Variants in YPEL1 observed in about 807,000 individuals in gnomAD.
The protein encoded by YPEL1 is yippee like 1, also known as protein yippee-like 1.
In YPEL1, 7 loss-of-function variants were observed where a neutral mutation model predicts 17.3. The observed-to-expected ratio is 0.40, with a 90% CI of 0.23 to 0.76. The LOEUF (loss-of-function observed/expected upper bound fraction) is 0.76, where lower values mean the gene tolerates loss of function less well. YPEL1 is among the 30% of genes least tolerant of loss of function. The pLI is 0.35. For synonymous variants in YPEL1, 59 were observed against 59.6 expected (o/e 0.99, Z 0.05); for missense variants, 91 against 155.5 (o/e 0.59, Z 2.21).
Position 21,699,652 on chromosome 22 carries a change from T to A in YPEL1, c.*1477A>T, listed in dbSNP as rs767821537. 1.3e-5 allele frequency: 2 copies of A among 152,782 alleles called. No homozygotes were observed. Among genetic ancestry groups the A allele is most frequent in the Non-Finnish European group, 2.9e-5 (2 of 68,050 alleles). The allele number at this position is 152,782 out of a possible 1,614,324, so 9.5% of individuals were successfully genotyped here. A position where few individuals can be genotyped will look rare whatever the true frequency, so the allele number is the denominator to read the frequency against. On this transcript the variant is annotated 3_prime_UTR_variant, in exon 5 of 5. Coordinates refer to ENST00000339468, the MANE Select transcript of YPEL1 (RefSeq NM_013313.5). ...GGCTAAACTTGTTGCTTTAACCTTT[T>A]CTGAACAAATTTTAAACATTCTGGC...
intron 1 of YPEL1, among the ~76,000 whole-genome samples, chr22:21,714,307 G>A (rs2068200591): frequency 6.6e-6 from 1 of 152,192 alleles, no homozygotes; most frequent in African/African-American, 2.4e-5. Context: ...GCCCTTCCTT[G>A]GTGCCCCGGC....
intron 1 of YPEL1, among the ~76,000 whole-genome samples, chr22:21,722,147 G>A (rs1035256374): frequency 9.2e-5 from 14 of 152,098 alleles, no homozygotes; most frequent in African/African-American, 2.9e-4. Context: ...TGGCCAGCGC[G>A]GTGGCTCATG....
intron 2 of YPEL1, 177 bp from the exon 3 acceptor site, chr22:21,704,059 A>G: frequency 1.3e-6 from 1 of 749,246 alleles, no homozygotes; most frequent in Non-Finnish European, 2.4e-6. Flanking sequence ...CACTTAACGG[A>G]GCTGCAAGCT....
Position 21,701,098 on chromosome 22 carries a change from A to G in YPEL1, c.*31T>C. The G allele has an allele frequency of 6.3e-7, 1 of 1,580,678 alleles. No homozygotes were observed. The highest frequency in any genetic ancestry group is 8.7e-7 in the Non-Finnish European group (1 of 1,150,340). On this transcript the variant is annotated 3_prime_UTR_variant, in exon 5 of 5. Transcript: ENST00000339468. ...ACATTCACAGTTTCTTTCACAAAAC[A>G]GCATTCAAAGGAGAAGGGAAAGTTC...
intron 1 of YPEL1, among the ~76,000 whole-genome samples, chr22:21,734,788 C>T (rs1354018906): frequency 1.3e-5 from 2 of 152,114 alleles, no homozygotes; most frequent in African/African-American, 4.8e-5. Flanking sequence ...GGAAAGTCTC[C>T]CCAGTGGTGG....
chr22:21,729,167 C>T (rs892819971), intron 1 of YPEL1, among the ~76,000 whole-genome samples: 3 of 151,758 alleles, frequency 2.0e-5, no homozygotes, highest in Non-Finnish European at 2.9e-5. Context: ...AAAAATTAGC[C>T]GGGCATGGTG....
intron 4 of YPEL1, among the ~76,000 whole-genome samples, chr22:21,702,782 C>T (rs1178227437): frequency 3.3e-5 from 5 of 151,932 alleles, no homozygotes; most frequent in East Asian, 1.9e-4. Context: ...TTCAGGGCAG[C>T]GTAGAGGAGG....
At chr22:21,720,813 G>GTTTTT (rs60040471) in intron 1 of YPEL1, among the ~76,000 whole-genome samples, 3 of 120,446 alleles carry the variant, frequency 2.5e-5, no homozygotes, top group Non-Finnish European at 3.4e-5. Context: ...GGCCGATTTT[G>GTTTTT]TTTTTTTTTT....
chr22:21,703,786 C>T lies in YPEL1; in HGVS notation c.161+53G>A. The T allele has an allele frequency of 6.3e-7, 1 of 1,589,418 alleles. No individual in the cohort carries two copies. The highest frequency in any genetic ancestry group is 8.6e-7 in the Non-Finnish European group (1 of 1,166,244). ...CACAGGGCACTGTGTAGGTGCCATCCAGGCCGTCCCAGGGCCCGTGCCGCT... is the reference window on the plus strand; with the variant it reads ...CACAGGGCACTGTGTAGGTGCCATCTAGGCCGTCCCAGGGCCCGTGCCGCT... On this transcript the variant is annotated intron_variant, in intron 3 of 4. Coordinates refer to ENST00000339468, the MANE Select transcript of YPEL1 (RefSeq NM_013313.5). The surrounding 1 kb of genome is among the most constrained non-coding windows in gnomAD (Gnocchi z 6.1).
Position 21,697,538 on chromosome 22 carries a change from T to TAAAC in YPEL1, c.*3587_*3590dup, listed in dbSNP as rs1413718483. On this transcript the variant is annotated 3_prime_UTR_variant, in exon 5 of 5. Coordinates refer to ENST00000339468, the MANE Select transcript of YPEL1 (RefSeq NM_013313.5). Reference sequence around the variant, plus strand: ...GGCCTCGTCCACTGAGGGCACGATTTAAACATTTGACATCAGAAGCTTTAT... The same window carrying TAAAC: ...GGCCTCGTCCACTGAGGGCACGATTTAAACAAACATTTGACATCAGAAGCTTTAT... The TAAAC allele has an allele frequency of 1.9e-5, 3 of 156,406 alleles. No individual in the cohort carries two copies. The highest frequency in any genetic ancestry group is 7.2e-5 in the African/African-American group (3 of 41,448). 9.7% of individuals were successfully genotyped at this position (156,406 alleles called of 1,614,324 possible). A position where few individuals can be genotyped will look rare whatever the true frequency, so the allele number is the denominator to read the frequency against.
intron 2 of YPEL1, among the ~76,000 whole-genome samples, chr22:21,705,257 G>C (rs1262409151): frequency 6.6e-6 from 1 of 152,228 alleles, no homozygotes; most frequent in Non-Finnish European, 1.5e-5. Flanking sequence ...GGGATTGCAG[G>C]CGTGAGCCAC....
intron 1 of YPEL1, among the ~76,000 whole-genome samples, chr22:21,715,769 T>TC (rs1569062075): frequency 1.5e-3 from 198 of 128,018 alleles, no homozygotes; most frequent in African/African-American, 4.7e-3. Flanking sequence ...TTCTTTTTTT[T>TC]TTTTTTTTTT....
Position 21,710,855 on chromosome 22 carries a change from TC to T in YPEL1, c.-112del. 1 of 949,280 alleles carries T rather than the reference TC, an allele frequency of 1.1e-6. No homozygotes were observed. Among genetic ancestry groups the T allele is most frequent in the Non-Finnish European group, 1.7e-6 (1 of 582,742 alleles). The allele number at this position is 949,280 out of a possible 1,614,324, so 58.8% of individuals were successfully genotyped here. On this transcript the variant is annotated 5_prime_UTR_variant, in exon 2 of 5. It introduces an in-frame stop codon into an upstream open reading frame of the 5' UTR. Coordinates refer to ENST00000339468, the MANE Select transcript of YPEL1 (RefSeq NM_013313.5). ...AAAATGCACGCAAGAGCCGTCGTTG[TC>T]CAGGAGGGCGTGTGGCACTGTCCAC...
rs1405530384 is a variant in YPEL1 at position 21,735,720 on chromosome 22, G to A, written c.-270C>T. ...TTCCCGGCGCGGCCCGGGACGCGCTGAGGCCGTTAACGCCTAGGCAGGGCG... is the reference window on the plus strand; with the variant it reads ...TTCCCGGCGCGGCCCGGGACGCGCTAAGGCCGTTAACGCCTAGGCAGGGCG... On this transcript the variant is annotated 5_prime_UTR_variant, in exon 1 of 5. Transcript: ENST00000339468. 4 of 150,880 alleles carry A rather than the reference G, an allele frequency of 2.7e-5. No individual in the cohort carries two copies. The highest frequency in any genetic ancestry group is 5.9e-5 in the Non-Finnish European group (4 of 67,618). 9.3% of individuals were successfully genotyped at this position (150,880 alleles called of 1,614,324 possible).
intron 1 of YPEL1, among the ~76,000 whole-genome samples, chr22:21,729,376 G>A (rs1263419886): frequency 2.0e-5 from 3 of 151,764 alleles, no homozygotes; most frequent in African/African-American, 7.3e-5. Flanking sequence ...GGAGGCCAAG[G>A]TGGGAAGATT....
At chr22:21,714,011 C>T (rs2068196812) in intron 1 of YPEL1, among the ~76,000 whole-genome samples, 1 of 152,156 alleles carries the variant, frequency 6.6e-6, no homozygotes, top group South Asian at 2.1e-4. Flanking sequence ...CAGCAGTGTC[C>T]TCACACCTGC....
At chr22:21,718,142 A>G (rs984900032) in intron 1 of YPEL1, among the ~76,000 whole-genome samples, 1 of 146,180 alleles carries the variant, frequency 6.8e-6, no homozygotes, top group Non-Finnish European at 1.5e-5. Context: ...AAAAAAAAAA[A>G]ACAAAAACAA....
chr22:21,703,519 G>GT lies in YPEL1; in HGVS notation c.162-42_162-41insA, dbSNP rs760105105. 2 of 1,560,656 alleles carry GT rather than the reference G, an allele frequency of 1.3e-6. No individual in the cohort carries two copies. The highest frequency in any genetic ancestry group is 8.7e-7 in the Non-Finnish European group (1 of 1,143,932). ...GGCCACTGCGCTGCAGGCCCGGCCC[G>GT]CCCCTGACCAGGCCCTGCCCCCTCA... On this transcript the variant is annotated intron_variant, in intron 3 of 4. Coordinates refer to ENST00000339468, the MANE Select transcript of YPEL1 (RefSeq NM_013313.5). This position sits in a 1 kb window ranked among gnomAD's most constrained non-coding sequence, Gnocchi z 6.1.
intron 1 of YPEL1, among the ~76,000 whole-genome samples, chr22:21,720,338 G>A (rs1415929914): frequency 1.3e-5 from 2 of 151,976 alleles, no homozygotes; most frequent in Non-Finnish European, 1.5e-5. Flanking sequence ...CCAAGTAGCT[G>A]ACACTACAGG....
Sources: allele counts gnomAD v4.1 joint callset (sites outside exome capture counted in the v4.1 genomes callset), GRCh38; gene constraint gnomAD v4.1.1; non-coding constraint Gnocchi (gnomAD v3.1); transcripts MANE v1.5; gene names NCBI Gene and HGNC (gene_info 2026-07-23, HGNC 2026-07-21).